Variants in FCRLB observed in about 807,000 individuals in gnomAD.
FCRLB encodes Fc receptor like B.
In FCRLB, 34 loss-of-function variants were observed where a neutral mutation model predicts 33.6. That is an observed-to-expected ratio of 1.01 (90% CI 0.77 to 1.35). The LOEUF (loss-of-function observed/expected upper bound fraction) is 1.35, where lower values mean the gene tolerates loss of function less well. FCRLB is among the 40% of genes most tolerant of loss of function. The pLI, the probability that FCRLB is intolerant of heterozygous loss-of-function variation, is 0.00. For missense variants in FCRLB, 560 were observed against 580.2 expected, an observed-to-expected ratio of 0.97 and a Z score of 0.36; for synonymous variants, 280 against 255.9, an observed-to-expected ratio of 1.09 and a Z score of -0.90.
At chr1:161,723,684 G>T in intron 5 of FCRLB, 63 bp downstream of exon 5, 1 of 1,571,908 alleles carries the variant, frequency 6.4e-7, no homozygotes, top group Non-Finnish European at 8.6e-7. Context: ...CTAGTCCTCT[G>T]GTGGGAGGGA....
rs779857336 is a variant in FCRLB at position 161,726,189 on chromosome 1, C to T, written c.574+102C>T. 3.8e-6 allele frequency: 6 copies of T among 1,569,568 alleles called. No homozygotes were observed. Among genetic ancestry groups the T allele is most frequent in the Non-Finnish European group, 5.2e-6 (6 of 1,148,522 alleles). ...GAAGGGGCGGAAGTTCAAATAGCTG[C>T]CACTTGGAGGGTTTCTCTTAGACTA... On this transcript the variant is annotated intron_variant, in intron 6 of 7. Coordinates refer to ENST00000367948, the Ensembl canonical transcript of FCRLB. The surrounding 1 kb of genome is among the most constrained non-coding windows in gnomAD (Gnocchi z 5.2).
chr1:161,723,486 AG>A lies in FCRLB; in HGVS notation c.173del (p.Ser58ThrfsTer48). 1 of 1,614,174 alleles carries A rather than the reference AG, an allele frequency of 6.2e-7. No homozygotes were observed. The highest frequency in any genetic ancestry group is 8.5e-7 in the Non-Finnish European group (1 of 1,180,032). On this transcript the variant is annotated frameshift_variant, in exon 5 of 8. Transcript: ENST00000367948. LOFTEE classifies it high-confidence loss of function. Reference sequence around the variant, plus strand: ...ACTGCTCCTGGAGCTCCAGCCCATCAGCACTCTCTGGTATTTGGGCCACCTA... The same window carrying A: ...ACTGCTCCTGGAGCTCCAGCCCATCACACTCTCTGGTATTTGGGCCACCTA...
rs549193291 is a variant in FCRLB at position 161,727,582 on chromosome 1, C to T, written c.1201C>T (p.Leu401Phe). The change falls in exon 8 of 8, where the codon CTC becomes TTC. Residue 401 changes from leucine to phenylalanine, a missense_variant. Transcript: ENST00000367948. Reference sequence around the variant, plus strand: ...AAAGGAGCCACAGGCCCTCCGGGAGCTCAGGGGAACGCCCGAGACCCCCAC... The same window carrying T: ...AAAGGAGCCACAGGCCCTCCGGGAGTTCAGGGGAACGCCCGAGACCCCCAC... 10 of 1,614,098 alleles carry T rather than the reference C, an allele frequency of 6.2e-6. No homozygotes were observed. In the South Asian group the frequency reaches 7.7e-5, roughly 12 times the overall value.
rs1343401504 is a variant in FCRLB at position 161,726,576 on chromosome 1, G to C, written c.575-127G>C. On this transcript the variant is annotated intron_variant, in intron 6 of 7. Coordinates refer to ENST00000367948, the Ensembl canonical transcript of FCRLB. This position sits in a 1 kb window ranked among gnomAD's most constrained non-coding sequence, Gnocchi z 5.2. ...AAGGCTCCCCTTCCCCCTCCACGTG[G>C]ACACACGGCCTCCTCCCCTCCCCCC... 7.6e-7 allele frequency: 1 copy of C among 1,318,138 alleles called. No individual in the cohort carries two copies. The highest frequency in any genetic ancestry group is 1.5e-5 in the African/African-American group (1 of 68,716). 81.7% of individuals were successfully genotyped at this position (1,318,138 alleles called of 1,614,324 possible).
intron 4 of FCRLB, 28 bp from the exon 5 acceptor site, chr1:161,723,338 GC>G: frequency 6.2e-7 from 1 of 1,607,964 alleles, no homozygotes; most frequent in South Asian, 1.1e-5. Context: ...TTTGCATGCT[GC>G]CCCCTCTCAC....
chr1:161,727,704 G>A, exon 8 of FCRLB: 3 of 1,528,738 alleles, frequency 2.0e-6, no homozygotes, highest in Non-Finnish European at 2.6e-6. Flanking sequence ...TTCCTCCTTG[G>A]TCTCCTGCTT....
chr1:161,725,799 G>C (rs1683521383), intron 5 of FCRLB, 22 bp from the exon 6 acceptor site: 1 of 1,578,210 alleles, frequency 6.3e-7, no homozygotes, highest in African/African-American at 1.3e-5. Flanking sequence ...GGAGTCAAGC[G>C]TGTCTGTGGT....
Position 161,726,247 on chromosome 1 carries a change from A to C in FCRLB, c.574+160A>C, listed in dbSNP as rs760931832. On this transcript the variant is annotated intron_variant, in intron 6 of 7. Coordinates refer to ENST00000367948, the Ensembl canonical transcript of FCRLB. This position sits in a 1 kb window ranked among gnomAD's most constrained non-coding sequence, Gnocchi z 5.2. ...TGTCTCCTCTCCTTTGCCGTGAAGC[A>C]GCGCTTGATCCGCCGCCTGCTTGGA... is the stretch of plus-strand genomic sequence containing the variant. 7.8e-7 allele frequency: 1 copy of C among 1,275,736 alleles called. No individual in the cohort carries two copies. Among genetic ancestry groups the C allele is most frequent in the Non-Finnish European group, 1.1e-6 (1 of 905,794 alleles). 79.0% of individuals were successfully genotyped at this position (1,275,736 alleles called of 1,614,324 possible).
At chr1:161,724,291 T>C (rs540000785) in intron 5 of FCRLB, among the ~76,000 whole-genome samples, 8 of 152,080 alleles carry the variant, frequency 5.3e-5, no homozygotes, top group Admixed American at 4.6e-4. Flanking sequence ...AATAATTTGT[T>C]CAATAAAGTA....
chr1:161,723,746 C>T, intron 5 of FCRLB, 125 bp downstream of exon 5: 1 of 1,402,052 alleles, frequency 7.1e-7, no homozygotes, highest in Admixed American at 2.4e-5. Flanking sequence ...TGGGGCCTAT[C>T]TTAAGTCTCT....
At chr1:161,724,361 G>A (rs1178439059) in intron 5 of FCRLB, among the ~76,000 whole-genome samples, 1 of 151,504 alleles carries the variant, frequency 6.6e-6, no homozygotes, top group East Asian at 1.9e-4. Context: ...AGGCCAAGGC[G>A]GGCAGATCAC....
At chr1:161,724,371 C>T (rs969797995) in intron 5 of FCRLB, among the ~76,000 whole-genome samples, 2 of 150,286 alleles carry the variant, frequency 1.3e-5, no homozygotes, top group African/African-American at 4.9e-5. Flanking sequence ...GGGCAGATCA[C>T]CTGAGGTCAG....
At chr1:161,727,167 A>AAACC in intron 7 of FCRLB, 80 bp from the exon 8 acceptor site, 1 of 603,002 alleles carries the variant, frequency 1.7e-6, no homozygotes, top group Non-Finnish European at 2.2e-6. Context: ...ATCCCCGCCC[A>AAACC]CCGCCCTACG....
exon 6 of FCRLB, chr1:161,725,996 C>G (rs200243110): frequency 6.2e-7 from 1 of 1,614,170 alleles, no homozygotes; most frequent in Non-Finnish European, 8.5e-7. Context: ...CGCGTGCCAG[C>G]GACAGCGGGC....
chr1:161,723,448 A>T (rs188912871), exon 5 of FCRLB: 1 of 1,614,164 alleles, frequency 6.2e-7, no homozygotes, highest in East Asian at 2.2e-5. Context: ...TTGAAGTGTG[A>T]TGGATACCAC....
At chr1:161,723,051 C>T in intron 4 of FCRLB, 42 bp downstream of exon 4, 1 of 1,612,252 alleles carries the variant, frequency 6.2e-7, no homozygotes, top group Non-Finnish European at 8.5e-7. Context: ...CTACAGCTTC[C>T]ACTCCAACCC....
At chr1:161,723,667 G>A (rs756688846) in intron 5 of FCRLB, 46 bp downstream of exon 5, 8 of 1,588,370 alleles carry the variant, frequency 5.0e-6, no homozygotes, top group African/African-American at 2.7e-5. Flanking sequence ...TGTCTCCTCT[G>A]GCAATACTAG....
chr1:161,723,405 T>G lies in FCRLB; in HGVS notation c.91T>G (p.Trp31Gly), dbSNP rs769367167. The G allele has an allele frequency of 8.7e-6, 14 of 1,614,214 alleles. No homozygotes were observed. The highest frequency in any genetic ancestry group is 1.2e-5 in the Non-Finnish European group (14 of 1,180,030). ...GCCCATATTGTCTCTACATCCACCT[T>G]GGACCACCATCTTCAAAGGGGAGCG... The change falls in exon 5 of 8, where the codon TGG becomes GGG. Residue 31 changes from tryptophan (W) to glycine (G), a missense_variant. Transcript: ENST00000367948.
At chr1:161,722,934 C>G in intron 3 of FCRLB, 55 bp from the exon 4 acceptor site, 1 of 1,609,894 alleles carries the variant, frequency 6.2e-7, no homozygotes, top group Non-Finnish European at 8.5e-7. Flanking sequence ...AGTCTCTCTC[C>G]TCTCATCGCC....
Sources: allele counts gnomAD v4.1 joint callset (sites outside exome capture counted in the v4.1 genomes callset), GRCh38; gene constraint gnomAD v4.1.1; non-coding constraint Gnocchi (gnomAD v3.1); transcripts MANE v1.5; gene names NCBI Gene and HGNC (gene_info 2026-07-23, HGNC 2026-07-21).